Variants in PEBP4 observed in about 807,000 individuals in gnomAD.
PEBP4 encodes phosphatidylethanolamine binding protein 4.
In PEBP4, 22 loss-of-function variants were observed where a neutral mutation model predicts 23.9. The ratio of observed to expected loss-of-function variants is 0.92; its 90% CI spans 0.66 to 1.31. The LOEUF (loss-of-function observed/expected upper bound fraction) is 1.31. Ranked by LOEUF, PEBP4 falls within the 40% of genes most tolerant of loss-of-function variation. The pLI is 0.00. For synonymous variants in PEBP4, 112 were observed against 99.3 expected (o/e 1.13, Z -0.76); for missense variants, 324 against 281.7 (o/e 1.15, Z -1.07).
chr8:22,715,556 C>T (rs1295831169), intron 6 of PEBP4, among the ~76,000 whole-genome samples: 3 of 152,210 alleles, frequency 2.0e-5, no homozygotes, highest in Non-Finnish European at 2.9e-5. Flanking sequence ...AATTGAAACC[C>T]ATCACGAGGC....
At chr8:22,805,416 T>C (rs1806474879) in intron 4 of PEBP4, among the ~76,000 whole-genome samples, 1 of 152,216 alleles carries the variant, frequency 6.6e-6, no homozygotes, top group Non-Finnish European at 1.5e-5. Flanking sequence ...AACCTCCGTC[T>C]CCCGGGTTCA....
intron 4 of PEBP4, among the ~76,000 whole-genome samples, chr8:22,786,988 T>C (rs1015821221): frequency 7.9e-5 from 12 of 152,118 alleles, no homozygotes; most frequent in African/African-American, 2.4e-4. Context: ...TCCTGGCTTA[T>C]TAAAAAATTT....
At chr8:22,895,627 C>T (rs901626669) in intron 3 of PEBP4, 2 of 152,162 alleles carry the variant, frequency 1.3e-5, no homozygotes, top group Non-Finnish European at 2.9e-5. Context: ...TTCTACTCTG[C>T]TCTCTTTTCT....
At chr8:22,754,190 T>TGGCCGCCCC (rs1355451919) in intron 4 of PEBP4, among the ~76,000 whole-genome samples, 33 of 152,266 alleles carry the variant, frequency 2.2e-4, no homozygotes, top group African/African-American at 6.7e-4. Context: ...GAAGCTGCCC[T>TGGCCGCCCC]AGACCCCTGG....
At chr8:22,738,698 A>G (rs35038944) in intron 4 of PEBP4, among the ~76,000 whole-genome samples, 41,244 of 152,100 alleles carry the variant, frequency 0.27, 6,881 homozygotes, top group East Asian at 0.45. Context: ...ACACTCTCAC[A>G]TATACATACG....
At chr8:22,792,820 T>TA (rs1554486113) in intron 4 of PEBP4, among the ~76,000 whole-genome samples, 1 of 151,622 alleles carries the variant, frequency 6.6e-6, no homozygotes, top group East Asian at 1.9e-4. Context: ...CAGGGTGCCA[T>TA]GGGGCATTGC....
intron 3 of PEBP4, among the ~76,000 whole-genome samples, chr8:22,835,443 G>C (rs1175125879): frequency 6.6e-6 from 1 of 152,170 alleles, no homozygotes; most frequent in Non-Finnish European, 1.5e-5. Flanking sequence ...AGCATCTTTG[G>C]TGGGGCTAGA....
chr8:22,913,808 C>G (rs1441416177), intron 3 of PEBP4, among the ~76,000 whole-genome samples: 6 of 152,136 alleles, frequency 3.9e-5, no homozygotes, highest in Non-Finnish European at 8.8e-5. Flanking sequence ...TCCTTCCTGC[C>G]AGAATTTACT....
At chr8:22,896,996 G>A (rs552763718) in intron 3 of PEBP4, among the ~76,000 whole-genome samples, 22 of 150,762 alleles carry the variant, frequency 1.5e-4, no homozygotes, top group South Asian at 6.3e-4. Context: ...ATATATTTGC[G>A]TGTTATATAT....
At chr8:22,797,674 C>A (rs572473588) in intron 4 of PEBP4, among the ~76,000 whole-genome samples, 19 of 152,246 alleles carry the variant, frequency 1.2e-4, no homozygotes, top group Middle Eastern at 3.4e-3. Flanking sequence ...TGGTAGACCC[C>A]GTAGGGTCCA....
chr8:22,803,480 C>G (rs565805401), intron 4 of PEBP4, among the ~76,000 whole-genome samples: 4 of 152,090 alleles, frequency 2.6e-5, no homozygotes, highest in Admixed American at 2.6e-4. Flanking sequence ...GCTTGGCCAA[C>G]ATGGTGAAGC....
At chr8:22,938,706 C>T (rs989809769) in intron 1 of PEBP4, among the ~76,000 whole-genome samples, 1 of 152,062 alleles carries the variant, frequency 6.6e-6, no homozygotes, top group South Asian at 2.1e-4. Flanking sequence ...CACTTCCCCC[C>T]CATTATAGAT....
At chr8:22,795,143 G>GTGTGTGTATATATATATA (rs1268855798) in intron 4 of PEBP4, among the ~76,000 whole-genome samples, 39 of 49,904 alleles carry the variant, frequency 7.8e-4, no homozygotes, top group African/African-American at 3.2e-3. Flanking sequence ...ATGTGTGTGT[G>GTGTGTGTATATATATATA]TATATATATA....
intron 4 of PEBP4, among the ~76,000 whole-genome samples, chr8:22,753,328 A>C (rs1369513764): frequency 6.6e-6 from 1 of 152,134 alleles, no homozygotes; most frequent in East Asian, 1.9e-4. Flanking sequence ...TCCAGAAACT[A>C]TCTCTCAGTA....
chr8:22,720,173 C>T (rs1378620208), intron 6 of PEBP4, among the ~76,000 whole-genome samples: 1 of 152,174 alleles, frequency 6.6e-6, no homozygotes, highest in Non-Finnish European at 1.5e-5. Flanking sequence ...CCACGAGTGG[C>T]AAGTGATTTA....
chr8:22,830,111 T>TTTTGTGTG (rs1359005751), intron 3 of PEBP4, among the ~76,000 whole-genome samples: 4 of 110,494 alleles, frequency 3.6e-5, no homozygotes, highest in Non-Finnish European at 7.2e-5. Flanking sequence ...TAGGCTGTGG[T>TTTTGTGTG]TTTGTGTGTG....
At chr8:22,857,301 C>T (rs1349748020) in intron 3 of PEBP4, among the ~76,000 whole-genome samples, 1 of 151,592 alleles carries the variant, frequency 6.6e-6, no homozygotes, top group African/African-American at 2.4e-5. Flanking sequence ...GGTTTAATAT[C>T]CTGAGGCAGT....
At chr8:22,902,196 G>T (rs555299209) in intron 3 of PEBP4, among the ~76,000 whole-genome samples, 1 of 152,192 alleles carries the variant, frequency 6.6e-6, no homozygotes, top group African/African-American at 2.4e-5. Context: ...GGGCTTGGTG[G>T]TGCACGCCTG....
chr8:22,808,680 G>T (rs1292904052), intron 4 of PEBP4, among the ~76,000 whole-genome samples: 1 of 152,164 alleles, frequency 6.6e-6, no homozygotes, highest in East Asian at 1.9e-4. Flanking sequence ...TGAGGAGGGT[G>T]CTCCCAATTC....
Sources: gnomAD v4.1 joint callset for allele counts (sites outside exome capture counted in the v4.1 genomes callset) on GRCh38, gnomAD v4.1.1 for gene constraint, MANE v1.5 for transcripts, NCBI Gene and HGNC (gene_info 2026-07-23, HGNC 2026-07-21) for gene names.